The following FAM25A variants were observed in gnomAD, a reference collection of about 807,000 sequenced individuals.
FAM25A encodes the protein protein FAM25A.
Under a neutral mutation model 6.6 loss-of-function variants are expected in FAM25A, and 5 were observed. The observed-to-expected ratio is 0.75, with a 90% CI of 0.39 to 1.59. FAM25A has a LOEUF of 1.59. Ranked by LOEUF, FAM25A falls within the 40% of genes most tolerant of loss-of-function variation. The pLI, the probability that FAM25A is intolerant of heterozygous loss-of-function variation, is 0.02. For missense variants in FAM25A, 93 were observed against 109.7 expected (o/e 0.85, Z 0.68); for synonymous variants, 36 against 41.3 (o/e 0.87, Z 0.49).
In FAM25A at chr10:87,022,377, G is replaced by A; in HGVS notation, c.136+1G>A. 1.3e-6 allele frequency: 2 copies of A among 1,548,270 alleles called. No homozygotes were observed. Among genetic ancestry groups the A allele is most frequent in the Non-Finnish European group, 1.7e-6 (2 of 1,146,696 alleles). On this transcript the variant is annotated splice_donor_variant, in intron 2 of 2. Coordinates refer to ENST00000343959, the MANE Select transcript of FAM25A (RefSeq NM_001146157.3). LOFTEE classifies it high-confidence loss of function. ...CACGCCAAGGAGACTGGAGAGAAAG[G>A]TACAGCTGGCTGAGGTCGGGCAGGG...
intron 1 of FAM25A, among the ~76,000 whole-genome samples, chr10:87,021,771 GC>G (rs1845331080): frequency 6.6e-6 from 1 of 152,240 alleles, no homozygotes; most frequent in South Asian, 2.1e-4. Flanking sequence ...GTTCTAGCAT[GC>G]TACCACCTAC....
At position 87,020,299 on chromosome 10, in the gene FAM25A, A is replaced by C. The variant is rs1845318293; in HGVS notation, c.-26A>C. The C allele has an allele frequency of 3.2e-6, 5 of 1,549,312 alleles. No homozygotes were observed. Among genetic ancestry groups the C allele is most frequent in the Non-Finnish European group, 4.4e-6 (5 of 1,146,800 alleles). On this transcript the variant is annotated 5_prime_UTR_variant, in exon 1 of 3. Transcript: ENST00000343959. Reference sequence around the variant, plus strand: ...ATGTTGGGCCAGTCCTCAGCATCCTAGTTCACCACTGTCTGCTGCCACACG... The same window carrying C: ...ATGTTGGGCCAGTCCTCAGCATCCTCGTTCACCACTGTCTGCTGCCACACG...
chr10:87,021,135 G>A (rs1845325939), intron 1 of FAM25A, among the ~76,000 whole-genome samples: 1 of 152,198 alleles, frequency 6.6e-6, no homozygotes, highest in Admixed American at 6.5e-5. Flanking sequence ...GTCCCGAAGT[G>A]TATGTTGTAT....
At chr10:87,021,842 A>G (rs1408104111) in intron 1 of FAM25A, among the ~76,000 whole-genome samples, 2 of 152,254 alleles carry the variant, frequency 1.3e-5, no homozygotes, top group Admixed American at 1.3e-4. Context: ...TTGCTTTGAG[A>G]GACCTGGTTT....
In FAM25A at chr10:87,020,359, G is replaced by A. The variant is rs766668082; in HGVS notation, c.35G>A (p.Gly12Asp). 1.3e-6 allele frequency: 2 copies of A among 1,549,330 alleles called. No individual in the cohort carries two copies. The highest frequency in any genetic ancestry group is 2.7e-5 in the African/African-American group (2 of 72,958). The change falls in exon 1 of 3, where the codon GGC becomes GAC. Residue 12 changes from glycine to aspartate, a missense_variant. Gly to Asp is a moderately conservative substitution (Grantham distance 94, BLOSUM62 -1). Transcript: ENST00000343959. ...LGGLGKLAAE[G>D]LAHRTEKATE... ...GGCCTGGGGAAGCTGGCTGCCGAAG[G>A]CCTGGCCCACCGCACCGAGAAGGCC...
chr10:87,022,306 C>G lies in FAM25A; in HGVS notation c.74-8C>G. ...AGCCCTCACCCTGGACTTGTCTCCT[C>G]TGTTCAGTTCATGCCGTGGAAGAAG... On this transcript the variant is annotated splice_polypyrimidine_tract_variant and splice_region_variant and intron_variant, in intron 1 of 2. Coordinates refer to ENST00000343959, the MANE Select transcript of FAM25A (RefSeq NM_001146157.3). 1 of 1,548,892 alleles carries G rather than the reference C, an allele frequency of 6.5e-7. No individual in the cohort carries two copies. The highest frequency in any genetic ancestry group is 8.7e-7 in the Non-Finnish European group (1 of 1,146,650).
At chr10:87,023,288 A>G (rs1367785785) in intron 2 of FAM25A, among the ~76,000 whole-genome samples, 2 of 152,218 alleles carry the variant, frequency 1.3e-5, no homozygotes, top group African/African-American at 2.4e-5. Flanking sequence ...GTGAGCTATG[A>G]GTAGAACTAT....
chr10:87,024,684 C>T lies in FAM25A; in HGVS notation c.*10C>T. On this transcript the variant is annotated 3_prime_UTR_variant, in exon 3 of 3. Transcript: ENST00000343959. ...CAAACTTGGACAGTGAGTGCACCTGCTACCACGGCCCTTCCCCAGTCTCAA... is the reference window on the plus strand; with the variant it reads ...CAAACTTGGACAGTGAGTGCACCTGTTACCACGGCCCTTCCCCAGTCTCAA... 2 of 1,535,774 alleles carry T rather than the reference C, an allele frequency of 1.3e-6. No homozygotes were observed. Among genetic ancestry groups the T allele is most frequent in the Non-Finnish European group, 1.7e-6 (2 of 1,146,898 alleles).
intron 1 of FAM25A, among the ~76,000 whole-genome samples, chr10:87,020,725 T>C (rs1318396034): frequency 4.6e-5 from 7 of 152,242 alleles, no homozygotes; most frequent in Non-Finnish European, 8.8e-5. Context: ...ATTTTTACCA[T>C]AACTTTAAAG....
At chr10:87,022,786 G>T (rs1280077581) in intron 2 of FAM25A, among the ~76,000 whole-genome samples, 3 of 151,182 alleles carry the variant, frequency 2.0e-5, no homozygotes, top group Non-Finnish European at 3.0e-5. Flanking sequence ...AATTAGCCGG[G>T]CATGGTGGTG....
chr10:87,020,425 G>T, intron 1 of FAM25A, 28 bp downstream of exon 1: 1 of 1,548,176 alleles, frequency 6.5e-7, no homozygotes. Context: ...CTTTCTACCT[G>T]GGCTGGGGGG....
chr10:87,020,378 G>C lies in FAM25A; in HGVS notation c.54G>C (p.Glu18Asp), dbSNP rs1188347424. Reference protein sequence around the residue: ...LAAEGLAHRTEKATEGAIHAV... With the variant: ...LAAEGLAHRTDKATEGAIHAV... ...CCGAAGGCCTGGCCCACCGCACCGA[G>C]AAGGCCACCGAGGGAGCCAGTGAGG... The change falls in exon 1 of 3, where the codon GAG becomes GAC. Residue 18 changes from glutamate to aspartate, a missense_variant. Physicochemically the swap from Glu to Asp is conservative, Grantham distance 45 (BLOSUM62 2). Transcript: ENST00000343959. 2 of 1,549,376 alleles carry C rather than the reference G, an allele frequency of 1.3e-6. No homozygotes were observed.
chr10:87,021,259 G>A (rs762676568), intron 1 of FAM25A, among the ~76,000 whole-genome samples: 4 of 152,324 alleles, frequency 2.6e-5, no homozygotes, highest in African/African-American at 9.6e-5. Context: ...CAGCAGACGC[G>A]TATTTTGTTT....
chr10:87,021,350 A>G (rs1373675211), intron 1 of FAM25A, among the ~76,000 whole-genome samples: 1 of 152,170 alleles, frequency 6.6e-6, no homozygotes, highest in Non-Finnish European at 1.5e-5. Flanking sequence ...TTGGGAGAAA[A>G]GCTGAGTGTT....
At position 87,020,330 on chromosome 10, in the gene FAM25A, G is replaced by T. The variant is rs1261592695; in HGVS notation, c.6G>T (p.Leu2=). Residue 2 remains leucine, a synonymous_variant, in exon 1 of 3, where the codon CTG becomes CTT. Coordinates refer to ENST00000343959, the MANE Select transcript of FAM25A (RefSeq NM_001146157.3). M[L]GGLGKLAAEG... ...CCACTGTCTGCTGCCACACGATGCT[G>T]GGAGGCCTGGGGAAGCTGGCTGCCG... is the stretch of plus-strand genomic sequence containing the variant. 6.5e-7 allele frequency: 1 copy of T among 1,549,544 alleles called. No homozygotes were observed. The highest frequency in any genetic ancestry group is 8.7e-7 in the Non-Finnish European group (1 of 1,146,826).
rs1182236401 is a variant in FAM25A at position 87,024,564 on chromosome 10, G to A, written c.160G>A (p.Ala54Thr). ...EKAIAEAIKK[A>T]QESGDKKMKE... ...AGCCATTGCTGAAGCCATAAAGAAA[G>A]CCCAAGAGTCAGGGGACAAAAAGAT... is the stretch of plus-strand genomic sequence containing the variant. Residue 54 changes from alanine (A) to threonine (T), a missense_variant, in exon 3 of 3, where the codon GCC becomes ACC. Physicochemically the swap from Ala to Thr is moderately conservative, Grantham distance 58. Transcript: ENST00000343959. 3 of 1,535,776 alleles carry A rather than the reference G, an allele frequency of 2.0e-6. No individual in the cohort carries two copies. The South Asian group carries it at 3.6e-5, about 18-fold the overall frequency.
At chr10:87,021,462 C>T (rs913337371) in intron 1 of FAM25A, among the ~76,000 whole-genome samples, 37 of 152,282 alleles carry the variant, frequency 2.4e-4, no homozygotes, top group Non-Finnish European at 4.3e-4. Flanking sequence ...CTTGATACAC[C>T]GTTTCCTTTC....
intron 1 of FAM25A, 72 bp from the exon 2 acceptor site, chr10:87,022,242 G>C: frequency 6.5e-7 from 1 of 1,536,886 alleles, no homozygotes; most frequent in Middle Eastern, 2.3e-4. Context: ...CCTGCTCTGA[G>C]CCCTCACCCT....
intron 1 of FAM25A, among the ~76,000 whole-genome samples, chr10:87,021,911 T>C (rs551870025): frequency 6.6e-6 from 1 of 152,120 alleles, no homozygotes; most frequent in Non-Finnish European, 1.5e-5. Context: ...CTGAGAGGGG[T>C]GTGACCTGGC....
Sources: gnomAD v4.1 joint callset for allele counts (sites outside exome capture counted in the v4.1 genomes callset) on GRCh38, gnomAD v4.1.1 for gene constraint, MANE v1.5 for transcripts, NCBI Gene and HGNC (gene_info 2026-07-23, HGNC 2026-07-21) for gene names.